Variants in PLEKHA7 observed in about 807,000 individuals in gnomAD.
PLEKHA7 encodes the protein pleckstrin homology domain containing A7, also known as pleckstrin homology domain-containing family A member 7.
A neutral mutation model predicts 170.0 loss-of-function variants in PLEKHA7; 104 were observed. The ratio of observed to expected loss-of-function variants is 0.61; its 90% CI spans 0.52 to 0.72. PLEKHA7 has a LOEUF of 0.72. Ranked by LOEUF, PLEKHA7 falls within the 30% of genes least tolerant of loss-of-function variation. The pLI is 0.00. For synonymous variants in PLEKHA7, 648 were observed against 660.8 expected (o/e 0.98, Z 0.30); for missense variants, 1,615 against 1,671.7 (o/e 0.97, Z 0.59).
At chr11:16,847,358 C>A (rs1312649706) in intron 8 of PLEKHA7, among the ~76,000 whole-genome samples, 1 of 152,062 alleles carries the variant, frequency 6.6e-6, no homozygotes, top group Non-Finnish European at 1.5e-5. Context: ...TCCCAAAGTC[C>A]TGGGATTACT....
At chr11:17,005,307 A>G (rs7926143) in intron 3 of PLEKHA7, among the ~76,000 whole-genome samples, 96,327 of 151,664 alleles carry the variant, frequency 0.64, 31,197 homozygotes, top group East Asian at 0.96. Flanking sequence ...CAAGGTGGGC[A>G]GATTACTTGA....
At chr11:16,997,142 C>T (rs1864390358) in intron 3 of PLEKHA7, among the ~76,000 whole-genome samples, 1 of 152,098 alleles carries the variant, frequency 6.6e-6, no homozygotes, top group African/African-American at 2.4e-5. Context: ...TTTCTGTATT[C>T]ACCCCAGGTC....
intron 8 of PLEKHA7, among the ~76,000 whole-genome samples, chr11:16,847,963 C>T (rs903143930): frequency 6.6e-6 from 1 of 151,678 alleles, no homozygotes; most frequent in African/African-American, 2.4e-5. Context: ...AGAGGATGAA[C>T]TGTAGGCTGC....
At chr11:16,781,386 C>G (rs1849011036) in intron 26 of PLEKHA7, among the ~76,000 whole-genome samples, 1 of 152,222 alleles carries the variant, frequency 6.6e-6, no homozygotes, top group South Asian at 2.1e-4. Context: ...AATAAGGAGG[C>G]CGAGGATGGC....
intron 13 of PLEKHA7, among the ~76,000 whole-genome samples, chr11:16,806,660 G>C (rs1384034571): frequency 1.3e-5 from 2 of 152,200 alleles, no homozygotes. Context: ...ATGGGCAGGG[G>C]GTGGCATTTT....
chr11:16,816,057 G>C, intron 12 of PLEKHA7, 121 bp downstream of exon 12: 1 of 818,026 alleles, frequency 1.2e-6, no homozygotes, highest in Non-Finnish European at 2.0e-6. Context: ...CTGAGCCTCA[G>C]TTTCCTCATC....
chr11:16,851,669 G>A (rs542548445), intron 7 of PLEKHA7, among the ~76,000 whole-genome samples: 17 of 152,158 alleles, frequency 1.1e-4, no homozygotes, highest in African/African-American at 2.4e-4. Context: ...GGCTGGTCTC[G>A]AATGCCTGAC....
intron 10 of PLEKHA7, among the ~76,000 whole-genome samples, chr11:16,825,131 A>G (rs56721354): frequency 0.065 from 9,836 of 152,244 alleles, 1,018 homozygotes; most frequent in African/African-American, 0.22. Context: ...CACTCTCACA[A>G]CTGCCCAGCT....
At chr11:16,935,824 T>C (rs1860250404) in intron 3 of PLEKHA7, among the ~76,000 whole-genome samples, 1 of 152,348 alleles carries the variant, frequency 6.6e-6, no homozygotes, top group Admixed American at 6.5e-5. Flanking sequence ...AGCATTTTTT[T>C]TATCACCAGA....
intron 3 of PLEKHA7, among the ~76,000 whole-genome samples, chr11:16,992,160 G>A (rs1297822746): frequency 1.3e-5 from 2 of 152,184 alleles, no homozygotes; most frequent in African/African-American, 2.4e-5. Flanking sequence ...GTGTGGGAAG[G>A]GAGTGGGGGA....
intron 3 of PLEKHA7, among the ~76,000 whole-genome samples, chr11:16,912,152 C>G (rs1858295188): frequency 1.3e-5 from 2 of 152,198 alleles, no homozygotes; most frequent in African/African-American, 4.8e-5. Flanking sequence ...GTATGGCAGA[C>G]ACACCTTACT....
At chr11:16,987,610 A>T (rs1171924559) in intron 3 of PLEKHA7, among the ~76,000 whole-genome samples, 1 of 152,136 alleles carries the variant, frequency 6.6e-6, no homozygotes, top group African/African-American at 2.4e-5. Flanking sequence ...AGGGAATGTA[A>T]AACAGCCTCC....
chr11:16,869,279 A>G (rs1302566883), intron 4 of PLEKHA7, among the ~76,000 whole-genome samples: 1 of 152,222 alleles, frequency 6.6e-6, no homozygotes, highest in Admixed American at 6.5e-5. Context: ...ATGGACCACC[A>G]GTATCAAAAT....
chr11:16,782,486 C>T (rs1849108319), intron 26 of PLEKHA7, among the ~76,000 whole-genome samples: 2 of 152,242 alleles, frequency 1.3e-5, no homozygotes, highest in South Asian at 2.1e-4. Context: ...AGCAGCACCA[C>T]TCCTCCTGGG....
chr11:16,789,695 G>T lies in PLEKHA7; in HGVS notation c.3156+80C>A. 1 of 1,293,612 alleles carries T rather than the reference G, an allele frequency of 7.7e-7. No homozygotes were observed. Among genetic ancestry groups the T allele is most frequent in the Non-Finnish European group, 1.1e-6 (1 of 913,110 alleles). The allele number at this position is 1,293,612 out of a possible 1,614,324, so 80.1% of individuals were successfully genotyped here. ...GGCCATCCCCAGGGCTGAAGGGATGGCCAGTTACTGTCCCCCTGGGAGACC... is the reference window on the plus strand; with the variant it reads ...GGCCATCCCCAGGGCTGAAGGGATGTCCAGTTACTGTCCCCCTGGGAGACC... On this transcript the variant is annotated intron_variant, in intron 22 of 26. Transcript: ENST00000531066. This position sits in a 1 kb window ranked among gnomAD's most constrained non-coding sequence, Gnocchi z 4.6.
Position 16,857,445 on chromosome 11 carries a change from C to T in PLEKHA7, c.306-1531G>A, listed in dbSNP as rs566916917. 1.7e-4 allele frequency among the ~76,000 whole-genome samples: 26 copies of T among 152,374 alleles called. 1 individual carries two copies. The South Asian group carries it at 5.2e-3, about 30-fold the overall frequency. On this transcript the variant is annotated intron_variant, in intron 4 of 26. Transcript: ENST00000531066. ...CCCACTGGGAGGGAGAATGTCACCACATTTGCTGTTGGCAGAGGCTGTGTG... is the reference window on the plus strand; with the variant it reads ...CCCACTGGGAGGGAGAATGTCACCATATTTGCTGTTGGCAGAGGCTGTGTG...
At chr11:16,932,271 T>C (rs1859991972) in intron 3 of PLEKHA7, among the ~76,000 whole-genome samples, 1 of 111,980 alleles carries the variant, frequency 8.9e-6, no homozygotes, top group Non-Finnish European at 1.7e-5. Flanking sequence ...GCTATCATTA[T>C]TCATTCCTTT....
intron 4 of PLEKHA7, among the ~76,000 whole-genome samples, chr11:16,858,990 T>A (rs1853708942): frequency 6.6e-6 from 1 of 152,140 alleles, no homozygotes; most frequent in Admixed American, 6.6e-5. Flanking sequence ...AAAACACACA[T>A]GAAGACAGCT....
intron 3 of PLEKHA7, among the ~76,000 whole-genome samples, chr11:16,920,895 T>C (rs2136237339): frequency 6.6e-6 from 1 of 152,372 alleles, no homozygotes; most frequent in South Asian, 2.1e-4. Context: ...TGTATTGCTT[T>C]ATTGGTGTCA....
Sources: gnomAD v4.1 joint callset for allele counts (sites outside exome capture counted in the v4.1 genomes callset) on GRCh38, gnomAD v4.1.1 for gene constraint, Gnocchi (gnomAD v3.1) non-coding constraint, MANE v1.5 for transcripts, NCBI Gene and HGNC (gene_info 2026-07-23, HGNC 2026-07-21) for gene names.